The following GNA11 variants were observed in gnomAD, a reference collection of about 807,000 sequenced individuals.
The protein encoded by GNA11 is G protein subunit alpha 11.
GNA11 carries 8 observed loss-of-function variants against 38.2 expected under a neutral mutation model. The ratio of observed to expected loss-of-function variants is 0.21; its 90% CI spans 0.12 to 0.38. The LOEUF (loss-of-function observed/expected upper bound fraction) is 0.38. GNA11 is among the 10% of genes least tolerant of loss of function. The pLI is 1.00. For synonymous variants in GNA11, 211 were observed against 221.4 expected, an observed-to-expected ratio of 0.95 and a Z score of 0.42; for missense variants, 268 against 516.3, an observed-to-expected ratio of 0.52 and a Z score of 4.66.
intron 1 of GNA11, among the ~76,000 whole-genome samples, chr19:3,098,302 G>A (rs969365645): frequency 3.9e-5 from 6 of 152,222 alleles, no homozygotes; most frequent in African/African-American, 1.4e-4. Flanking sequence ...CCGCGCCGCC[G>A]CCATCCTGGG....
chr19:3,107,887 G>T (rs148896967), intron 1 of GNA11, among the ~76,000 whole-genome samples: 112 of 152,274 alleles, frequency 7.4e-4, no homozygotes, highest in African/African-American at 2.6e-3. Flanking sequence ...GGAAGGGCGT[G>T]TGGGGGTCCC....
intron 1 of GNA11, among the ~76,000 whole-genome samples, chr19:3,105,367 G>A (rs980891922): frequency 1.4e-5 from 2 of 143,458 alleles, no homozygotes; most frequent in Non-Finnish European, 3.0e-5. Context: ...GAGGCTGGAC[G>A]TCCAAGATCA....
chr19:3,112,797 A>G lies in GNA11; in HGVS notation c.322-533A>G, dbSNP rs577646687. On this transcript the variant is annotated intron_variant, in intron 2 of 6. Transcript: ENST00000078429. Reference sequence around the variant, plus strand: ...ATGTTTGATAAGCATTTTTCGGACGAAAGAGAGAAGCCGGCGGGGCAGAAA... The same window carrying G: ...ATGTTTGATAAGCATTTTTCGGACGGAAGAGAGAAGCCGGCGGGGCAGAAA... Among the ~76,000 whole-genome samples the G allele has an allele frequency of 2.6e-5, 4 of 152,366 alleles. No homozygotes were observed. The East Asian group carries it at 7.7e-4, about 29-fold the overall frequency.
chr19:3,096,752 G>T (rs1287014178), intron 1 of GNA11, among the ~76,000 whole-genome samples: 1 of 150,792 alleles, frequency 6.6e-6, no homozygotes, highest in Admixed American at 6.6e-5. Flanking sequence ...CTATCAGCCT[G>T]TAAGACGGGA....
chr19:3,113,166 G>A (rs181426259), intron 2 of GNA11, among the ~76,000 whole-genome samples, 164 bp from the exon 3 acceptor site: 28 of 152,352 alleles, frequency 1.8e-4, no homozygotes, highest in African/African-American at 4.8e-4. Flanking sequence ...GCGGCCTCGC[G>A]TTTTTCTGAC....
rs1232666653 is a variant in GNA11, at chr19:3,121,406, C to T, written c.*227C>T. 11 of 358,980 alleles carry T rather than the reference C, an allele frequency of 3.1e-5. No homozygotes were observed. The highest frequency in any genetic ancestry group is 4.7e-5 in the Admixed American group (1 of 21,236). 22.2% of individuals were successfully genotyped at this position (358,980 alleles called of 1,614,324 possible). A position where few individuals can be genotyped will look rare whatever the true frequency, so the allele number is the denominator to read the frequency against. On this transcript the variant is annotated 3_prime_UTR_variant, in exon 7 of 7. Coordinates refer to ENST00000078429, the MANE Select transcript of GNA11 (RefSeq NM_002067.5). ...CGCGCACCTTCTCACCTTTTGTCAA[C>T]GGCAAAGGCAGCCTTTTTCTGGCCT...
At position 3,119,807 on chromosome 19, in the gene GNA11, G is replaced by A. The variant is rs532768136; in HGVS notation, c.889+448G>A. Among the ~76,000 whole-genome samples, 253 of 152,036 alleles carry A rather than the reference G, an allele frequency of 1.7e-3. No homozygotes were observed. The highest frequency in any genetic ancestry group is 1.6e-3 in the Non-Finnish European group (107 of 67,902). Reference sequence around the variant, plus strand: ...GGAAGGGTTCACGCACACTGCCAGCGCAGCCCCGTGGGGACCTTGGTGGTA... The same window carrying A: ...GGAAGGGTTCACGCACACTGCCAGCACAGCCCCGTGGGGACCTTGGTGGTA... On this transcript the variant is annotated intron_variant, in intron 6 of 6. Coordinates refer to ENST00000078429, the MANE Select transcript of GNA11 (RefSeq NM_002067.5). This position sits in a 1 kb window ranked among gnomAD's most constrained non-coding sequence, Gnocchi z 4.6.
chr19:3,123,454 G>A lies in GNA11; in HGVS notation c.*2275G>A, dbSNP rs957993291. The stretch of plus-strand genomic sequence containing the variant: ...GTTCTCGTGCCAGTGGCACCCAGGG[G>A]CAAGGACAGCCAACCCCCACCCTTG... On this transcript the variant is annotated 3_prime_UTR_variant, in exon 7 of 7. Coordinates refer to ENST00000078429, the MANE Select transcript of GNA11 (RefSeq NM_002067.5). 2.1e-5 allele frequency: 5 copies of A among 233,244 alleles called. No homozygotes were observed. The highest frequency in any genetic ancestry group is 1.8e-4 in the South Asian group (1 of 5,540). 14.4% of individuals were successfully genotyped at this position (233,244 alleles called of 1,614,324 possible).
Position 3,119,347 on chromosome 19 carries a change from C to G in GNA11, c.877C>G (p.Pro293Ala). The change falls in exon 6 of 7, where the codon CCC becomes GCC. Residue 293 changes from proline to alanine, a missense_variant. Pro to Ala is a conservative substitution (Grantham distance 27). Around this residue, in one of 3 missense-constraint regions of GNA11, gnomAD observed 92 missense variants for 166.7 expected, o/e 0.55. Transcript: ENST00000078429. This position sits in a 1 kb window ranked among gnomAD's most constrained non-coding sequence, Gnocchi z 4.6. ...ILYSHLVDYF[P>A]EFDGPQRDAQ... Reference sequence around the variant, plus strand: ...GTACTCGCACCTGGTGGACTACTTCCCCGAGTTCGATGGTGCGCCGGGCTG... The same window carrying G: ...GTACTCGCACCTGGTGGACTACTTCGCCGAGTTCGATGGTGCGCCGGGCTG... 6.2e-7 allele frequency: 1 copy of G among 1,613,666 alleles called. No individual in the cohort carries two copies.
chr19:3,105,019 CCCAGTCTG>C (rs1374378922), intron 1 of GNA11, among the ~76,000 whole-genome samples: 6 of 151,852 alleles, frequency 4.0e-5, no homozygotes. Flanking sequence ...CAGCTCCAGA[CCCAGTCTG>C]AGGCAGGAAC....
At chr19:3,095,533 C>T (rs554955287) in intron 1 of GNA11, among the ~76,000 whole-genome samples, 2 of 151,756 alleles carry the variant, frequency 1.3e-5, no homozygotes, top group Non-Finnish European at 2.9e-5. Context: ...ACCCCCCCAT[C>T]CCCCCGAAGA....
intron 1 of GNA11, among the ~76,000 whole-genome samples, chr19:3,099,141 G>A (rs1236407829): frequency 6.6e-6 from 1 of 152,210 alleles, no homozygotes; most frequent in Non-Finnish European, 1.5e-5. Context: ...TGGGCAGCAC[G>A]GGGAGGACGC....
chr19:3,116,751 G>C (rs1913934903), intron 4 of GNA11, among the ~76,000 whole-genome samples: 1 of 152,224 alleles, frequency 6.6e-6, no homozygotes, highest in South Asian at 2.1e-4. Context: ...TTCTCCTGCA[G>C]TGCAAGCTCG....
chr19:3,100,874 G>A (rs1207652046), intron 1 of GNA11, among the ~76,000 whole-genome samples: 1 of 152,208 alleles, frequency 6.6e-6, no homozygotes. Context: ...GCAGACAGCG[G>A]GGAGGGAGCC....
chr19:3,103,519 CTTTTTTTTTTTTTTTTT>C lies in GNA11; in HGVS notation c.137-6615_137-6599del, dbSNP rs760497682. On this transcript the variant is annotated intron_variant, in intron 1 of 6. Coordinates refer to ENST00000078429, the MANE Select transcript of GNA11 (RefSeq NM_002067.5). ...TGAGCCACTGCGCCCGGCCTTGAATCTTTTTTTTTTTTTTTTTTTTTTTTTTTTTTTGAGACAAGGTC... is the reference window on the plus strand; with the variant it reads ...TGAGCCACTGCGCCCGGCCTTGAATCTTTTTTTTTTTTTTGAGACAAGGTC... Among the ~76,000 whole-genome samples the C allele has an allele frequency of 6.1e-4, 28 of 45,814 alleles. 1 individual carries two copies. The highest frequency in any genetic ancestry group is 1.8e-3 in the African/African-American group (22 of 12,508). The allele number at this position is 45,814 out of a possible 152,430, so 30.1% of individuals were successfully genotyped here. A position where few individuals can be genotyped will look rare whatever the true frequency, so the allele number is the denominator to read the frequency against.
rs1402371912 is a variant in GNA11 at position 3,121,735 on chromosome 19, G to A, written c.*556G>A. ...CTTTTTTAAGTTATTGACGCCCAGC[G>A]CGCCTCGCCTCTTCACCCATCAACG... On this transcript the variant is annotated 3_prime_UTR_variant, in exon 7 of 7. Coordinates refer to ENST00000078429, the MANE Select transcript of GNA11 (RefSeq NM_002067.5). The A allele has an allele frequency of 8.6e-6, 2 of 232,952 alleles. No individual in the cohort carries two copies. The highest frequency in any genetic ancestry group is 2.2e-5 in the African/African-American group (1 of 45,324). 14.4% of individuals were successfully genotyped at this position (232,952 alleles called of 1,614,324 possible).
At position 3,110,668 on chromosome 19, in the gene GNA11, G is replaced by A. The variant is rs1022954464; in HGVS notation, c.321+335G>A. 1.3e-5 allele frequency among the ~76,000 whole-genome samples: 2 copies of A among 152,240 alleles called. No individual in the cohort carries two copies. The highest frequency in any genetic ancestry group is 4.8e-5 in the African/African-American group (2 of 41,460). ...GCCACTCGCCCAGGTCGCCTTGGGAGTAAGCAGCGTGAGCTCCTGGTTCCG... is the reference window on the plus strand; with the variant it reads ...GCCACTCGCCCAGGTCGCCTTGGGAATAAGCAGCGTGAGCTCCTGGTTCCG... On this transcript the variant is annotated intron_variant, in intron 2 of 6. Transcript: ENST00000078429. The surrounding 1 kb of genome is among the most constrained non-coding windows in gnomAD (Gnocchi z 5.4).
chr19:3,122,687 A>AC lies in GNA11; in HGVS notation c.*1510dup, dbSNP rs1914114347. 1 of 233,610 alleles carries AC rather than the reference A, an allele frequency of 4.3e-6. No homozygotes were observed. Among genetic ancestry groups the AC allele is most frequent in the Non-Finnish European group, 8.4e-6 (1 of 118,364 alleles). The allele number at this position is 233,610 out of a possible 1,614,324, so 14.5% of individuals were successfully genotyped here. On this transcript the variant is annotated 3_prime_UTR_variant, in exon 7 of 7. Coordinates refer to ENST00000078429, the MANE Select transcript of GNA11 (RefSeq NM_002067.5). This position sits in a 1 kb window ranked among gnomAD's most constrained non-coding sequence, Gnocchi z 7.7. ...CTGTGCTGCCTTCGCCCGCCGCCAC[A>AC]CCGGGACCCTGCACGGCTGCTTCTG...
Position 3,121,045 on chromosome 19 carries a change from C to G in GNA11, c.946C>G (p.Leu316Val). The G allele has an allele frequency of 6.2e-7, 1 of 1,613,746 alleles. No individual in the cohort carries two copies. Among genetic ancestry groups the G allele is most frequent in the Non-Finnish European group, 8.5e-7 (1 of 1,179,810 alleles). Residue 316 changes from leucine (L) to valine (V), a missense_variant, in exon 7 of 7, where the codon CTG (leucine) becomes GTG (valine). Physicochemically the swap from Leu to Val is conservative, Grantham distance 32. This residue lies in a region of GNA11 where 92 missense variants were observed against 166.7 expected (regional missense o/e 0.55). Coordinates refer to ENST00000078429, the MANE Select transcript of GNA11 (RefSeq NM_002067.5). ...GTTCATCCTGAAGATGTTCGTGGAC[C>G]TGAACCCCGACAGCGACAAGATCAT... ...REFILKMFVD[L>V]NPDSDKIIYS...
Sources: gnomAD v4.1 joint callset for allele counts (sites outside exome capture counted in the v4.1 genomes callset) on GRCh38, gnomAD v4.1.1 for gene constraint, gnomAD v4.1.1 regional missense constraint, Gnocchi (gnomAD v3.1) non-coding constraint, MANE v1.5 for transcripts, NCBI Gene and HGNC (gene_info 2026-07-23, HGNC 2026-07-21) for gene names.